Variants in MORC1 observed in about 807,000 individuals in gnomAD.
MORC1 encodes the protein MORC family CW-type zinc finger protein 1.
A neutral mutation model predicts 134.9 loss-of-function variants in MORC1; 59 were observed. The observed-to-expected ratio is 0.44, with a 90% CI of 0.35 to 0.54. MORC1 has a LOEUF of 0.54. Among genes scored for constraint, MORC1 ranks in the 20% least tolerant of loss-of-function variants. The pLI, the probability that MORC1 is intolerant of heterozygous loss-of-function variation, is 0.00. For missense variants in MORC1, 947 were observed against 1,134.5 expected, an observed-to-expected ratio of 0.83 and a Z score of 2.37; for synonymous variants, 395 against 391.7, an observed-to-expected ratio of 1.01 and a Z score of -0.10.
At chr3:109,082,261 A>T (rs894472666) in intron 8 of MORC1, among the ~76,000 whole-genome samples, 4 of 152,108 alleles carry the variant, frequency 2.6e-5, no homozygotes, top group Admixed American at 1.3e-4. Context: ...AAAAAAAAAA[A>T]AACCACCAGG....
rs1338273575 is a variant in MORC1 at position 109,073,976 on chromosome 3, T to C, written c.690-4219A>G. Among the ~76,000 whole-genome samples the C allele has an allele frequency of 3.3e-5, 5 of 152,182 alleles. No individual in the cohort carries two copies. The East Asian group carries it at 9.6e-4, about 29-fold the overall frequency. On this transcript the variant is annotated intron_variant, in intron 8 of 27. Coordinates refer to ENST00000232603, the MANE Select transcript of MORC1 (RefSeq NM_014429.4). ...TGTTTCTTTTGTGACAACCACAGTA[T>C]GGCAAGCAGCACATTAGAACAATTT...
chr3:109,012,130 G>A (rs1426293634), intron 17 of MORC1, among the ~76,000 whole-genome samples: 1 of 151,896 alleles, frequency 6.6e-6, no homozygotes, highest in Non-Finnish European at 1.5e-5. Flanking sequence ...TATGACAGGA[G>A]GTAAGAATCA....
chr3:109,043,970 TA>T (rs1165730400), intron 14 of MORC1, among the ~76,000 whole-genome samples: 6 of 152,196 alleles, frequency 3.9e-5, no homozygotes, highest in African/African-American at 1.4e-4. Flanking sequence ...ATAGGTCGAT[TA>T]AAAAATTCAG....
chr3:109,050,547 G>C (rs1337422394), intron 14 of MORC1, among the ~76,000 whole-genome samples: 1 of 152,018 alleles, frequency 6.6e-6, no homozygotes, highest in Non-Finnish European at 1.5e-5. Context: ...CATCATCCTG[G>C]GGGTCAGATT....
rs147678567 is a variant in MORC1 at position 109,022,680 on chromosome 3, AG to A, written c.1704+5070del. Among the ~76,000 whole-genome samples the A allele has an allele frequency of 3.2e-3, 485 of 152,374 alleles. 4 individuals are homozygous for A. The highest frequency in any genetic ancestry group is 5.7e-3 in the Non-Finnish European group (385 of 68,036). ...TTTGGTCTTCAGTAATATATGCAGA[AG>A]TTGGTCAGCCTAACCTATGTAGAGT... is the stretch of plus-strand genomic sequence containing the variant. On this transcript the variant is annotated intron_variant, in intron 17 of 27. Transcript: ENST00000232603.
In MORC1 at chr3:109,075,990, A is replaced by G. The variant is rs996070735; in HGVS notation, c.690-6233T>C. 3.9e-5 allele frequency among the ~76,000 whole-genome samples: 6 copies of G among 152,230 alleles called. No individual in the cohort carries two copies. The South Asian group carries it at 6.2e-4, about 16-fold the overall frequency. On this transcript the variant is annotated intron_variant, in intron 8 of 27. Coordinates refer to ENST00000232603, the MANE Select transcript of MORC1 (RefSeq NM_014429.4). Reference sequence around the variant, plus strand: ...AAGCCAAAATTGACAAATGGGATCTAATTAAACTAAAGAGTTTCTGCACAG... The same window carrying G: ...AAGCCAAAATTGACAAATGGGATCTGATTAAACTAAAGAGTTTCTGCACAG...
intron 26 of MORC1, among the ~76,000 whole-genome samples, chr3:108,967,003 T>C (rs1001389082): frequency 5.3e-5 from 8 of 152,220 alleles, no homozygotes; most frequent in Non-Finnish European, 1.2e-4. Context: ...CAGTGACTTA[T>C]GTAAGTTTCT....
chr3:108,992,765 G>A lies in MORC1; in HGVS notation c.2188-5816C>T, dbSNP rs544128450. Among the ~76,000 whole-genome samples the A allele has an allele frequency of 5.9e-5, 9 of 152,124 alleles. No homozygotes were observed. In the East Asian group the frequency reaches 1.5e-3, roughly 26 times the overall value. On this transcript the variant is annotated intron_variant, in intron 21 of 27. Coordinates refer to ENST00000232603, the MANE Select transcript of MORC1 (RefSeq NM_014429.4). ...CAGCTTCTCCAGTTCTGCAGCTCCC[G>A]GTATTTTCACTTTTGGCAGTGCCCC...
At chr3:109,078,925 T>C (rs1950473786) in intron 8 of MORC1, among the ~76,000 whole-genome samples, 1 of 151,834 alleles carries the variant, frequency 6.6e-6, no homozygotes, top group Non-Finnish European at 1.5e-5. Flanking sequence ...AAATGACAAA[T>C]TTAAGCCCCA....
Position 108,969,343 on chromosome 3 carries a change from T to G in MORC1, c.2604+326A>C, listed in dbSNP as rs576622908. Among the ~76,000 whole-genome samples the G allele has an allele frequency of 6.6e-5, 10 of 152,332 alleles. No individual in the cohort carries two copies. The East Asian group carries it at 1.7e-3, about 26-fold the overall frequency. ...CGATATCAAATTGTTGGAAATAATT[T>G]AAAACTTTAAAATTTCTGCTTCAGT... On this transcript the variant is annotated intron_variant, in intron 26 of 27. Coordinates refer to ENST00000232603, the MANE Select transcript of MORC1 (RefSeq NM_014429.4).
rs1950973792 is a variant in MORC1 at position 109,103,841 on chromosome 3, T to G, written c.223+8A>C. 2 of 1,611,322 alleles carry G rather than the reference T, an allele frequency of 1.2e-6. No individual in the cohort carries two copies. The highest frequency in any genetic ancestry group is 2.7e-5 in the African/African-American group (2 of 74,868). On this transcript the variant is annotated splice_region_variant and intron_variant, in intron 4 of 27. Transcript: ENST00000232603. ...ACAGCCAGTTAGGTATCTAGATAAT[T>G]AACTTACCAGGGCTCATGCCACATC...
chr3:108,978,550 G>A (rs2107435134), intron 24 of MORC1, among the ~76,000 whole-genome samples: 1 of 152,224 alleles, frequency 6.6e-6, no homozygotes, highest in South Asian at 2.1e-4. Flanking sequence ...GGCATCTGTG[G>A]AATTGAGTTC....
chr3:109,036,285 T>C (rs1464044629), intron 14 of MORC1, among the ~76,000 whole-genome samples: 2 of 152,052 alleles, frequency 1.3e-5, no homozygotes, highest in Non-Finnish European at 2.9e-5. Flanking sequence ...TAAAAATATA[T>C]ATATATCAAA....
chr3:109,040,353 T>A (rs62272158), intron 14 of MORC1, among the ~76,000 whole-genome samples: 13,049 of 30,154 alleles, frequency 0.43, 3,247 homozygotes, highest in Middle Eastern at 0.55. Context: ...CTCAAAGAAC[T>A]GAAAGAAAGA....
At chr3:109,018,790 A>T (rs1026270101) in intron 17 of MORC1, 1 of 152,212 alleles carries the variant, frequency 6.6e-6, no homozygotes, top group African/African-American at 2.4e-5. Flanking sequence ...TTTCAAACAT[A>T]ACTGCTTGTG....
chr3:109,089,012 A>G (rs1950667927), intron 8 of MORC1, among the ~76,000 whole-genome samples: 1 of 152,162 alleles, frequency 6.6e-6, no homozygotes, highest in Non-Finnish European at 1.5e-5. Flanking sequence ...AAGCTAAATA[A>G]TGAGAACACA....
At chr3:109,114,520 G>C in intron 1 of MORC1, 83 bp from the exon 2 acceptor site, 5 of 1,177,996 alleles carry the variant, frequency 4.2e-6, no homozygotes, top group Non-Finnish European at 4.9e-6. Context: ...GCAGACAAAC[G>C]TTCTCCAGTT....
intron 10 of MORC1, among the ~76,000 whole-genome samples, chr3:109,062,596 A>G (rs1950108421): frequency 6.6e-6 from 1 of 151,794 alleles, no homozygotes; most frequent in Non-Finnish European, 1.5e-5. Context: ...AACTTTTTGT[A>G]TTTTTAGTAG....
At chr3:109,072,134 T>C (rs764448134) in intron 8 of MORC1, among the ~76,000 whole-genome samples, 67 of 152,182 alleles carry the variant, frequency 4.4e-4, no homozygotes, top group Non-Finnish European at 5.9e-4. Flanking sequence ...GCCACGTCAT[T>C]ATAAACGTCA....
Sources: gnomAD v4.1 joint callset for allele counts (sites outside exome capture counted in the v4.1 genomes callset) on GRCh38, gnomAD v4.1.1 for gene constraint, MANE v1.5 for transcripts, NCBI Gene and HGNC (gene_info 2026-07-23, HGNC 2026-07-21) for gene names.